The following TSGA10IP variants were observed in gnomAD, a reference collection of about 807,000 sequenced individuals.
TSGA10IP encodes the protein testis specific 10 interacting protein, also known as testis-specific protein 10-interacting protein.
Under a neutral mutation model 63.2 loss-of-function variants are expected in TSGA10IP, and 64 were observed. The observed-to-expected ratio is 1.01, with a 90% CI of 0.83 to 1.25. The LOEUF (loss-of-function observed/expected upper bound fraction) is 1.25. Ranked by LOEUF, TSGA10IP falls within the 50% of genes most tolerant of loss-of-function variation. The pLI, the probability that TSGA10IP is intolerant of heterozygous loss-of-function variation, is 0.00. For missense variants in TSGA10IP, 681 were observed against 710.1 expected (o/e 0.96, Z 0.47); for synonymous variants, 316 against 298.3 (o/e 1.06, Z -0.61).
rs779393002 is a variant in TSGA10IP at position 65,953,592 on chromosome 11, C to T, written c.1177C>T (p.Gln393Ter). 4 of 1,589,940 alleles carry T rather than the reference C, an allele frequency of 2.5e-6. No individual in the cohort carries two copies. The highest frequency in any genetic ancestry group is 2.3e-5 in the East Asian group (1 of 42,756). The stretch of plus-strand genomic sequence containing the variant: ...GAGCCTGCTGCAGGCCTGGGAGCGG[C>T]AGCGGCAGGAGGAGCGGCAGCAGGC... Residue 393 changes from glutamine to a stop codon, truncating the protein, a stop_gained, in exon 5 of 8, where the codon CAG becomes TAG. Coordinates refer to ENST00000532620, the Ensembl canonical transcript of TSGA10IP. LOFTEE classifies it high-confidence loss of function.
intron 6 of TSGA10IP, 56 bp from the exon 7 acceptor site, chr11:65,959,134 C>A: frequency 6.3e-7 from 1 of 1,584,798 alleles, no homozygotes; most frequent in East Asian, 2.3e-5. Flanking sequence ...ACCCGATCCC[C>A]ACCTTGCCCT....
At chr11:65,959,108 T>C (rs1590627891) in intron 6 of TSGA10IP, 82 bp from the exon 7 acceptor site, 2 of 1,569,656 alleles carry the variant, frequency 1.3e-6, no homozygotes, top group South Asian at 2.3e-5. Flanking sequence ...CTGGAATCCC[T>C]GGGACCCCCT....
chr11:65,947,170 C>A, exon 3 of TSGA10IP: 1 of 1,610,418 alleles, frequency 6.2e-7, no homozygotes, highest in Non-Finnish European at 8.5e-7. Context: ...GGGAGAGCAT[C>A]GCCACAGATG....
At chr11:65,959,871 G>A in exon 8 of TSGA10IP, 4 of 1,606,026 alleles carry the variant, frequency 2.5e-6, no homozygotes, top group Non-Finnish European at 3.4e-6. Context: ...GGCCCCCAAG[G>A]ACAGAACCCA....
At chr11:65,946,123 TG>T (rs1262305925) in intron 1 of TSGA10IP, among the ~76,000 whole-genome samples, 2 of 152,154 alleles carry the variant, frequency 1.3e-5, no homozygotes, top group African/African-American at 4.8e-5. Context: ...CTGCCTTGGC[TG>T]TAGCAGGTCC....
At chr11:65,948,588 A>G (rs1286015212) in intron 4 of TSGA10IP, among the ~76,000 whole-genome samples, 1 of 152,106 alleles carries the variant, frequency 6.6e-6, no homozygotes, top group Non-Finnish European at 1.5e-5. Flanking sequence ...AGGTAGGAGG[A>G]TCTCTTGAGT....
chr11:65,959,490 G>A (rs1403474817), intron 7 of TSGA10IP, among the ~76,000 whole-genome samples, 176 bp downstream of exon 7: 1 of 152,208 alleles, frequency 6.6e-6, no homozygotes, highest in African/African-American at 2.4e-5. Flanking sequence ...GACCTGAGGG[G>A]AAGGGCCTTC....
Position 65,959,061 on chromosome 11 carries a change from T to G in TSGA10IP, c.1422+79T>G, listed in dbSNP as rs557289853. ...AGTGGGTAGGGAAGCAGGATGCGAG[T>G]AGGTCCCTGCAGATAGGATCCCAGG... is the stretch of plus-strand genomic sequence containing the variant. On this transcript the variant is annotated intron_variant, in intron 6 of 7. Transcript: ENST00000532620. 3.6e-5 allele frequency: 57 copies of G among 1,575,786 alleles called. No individual in the cohort carries two copies. In the African/African-American group the frequency reaches 7.5e-4, roughly 21 times the overall value.
chr11:65,958,544 C>T (rs970647542), intron 5 of TSGA10IP, among the ~76,000 whole-genome samples: 10 of 152,274 alleles, frequency 6.6e-5, no homozygotes, highest in African/African-American at 2.2e-4. Flanking sequence ...TATGTAAGCA[C>T]GTGTCTGGAA....
intron 1 of TSGA10IP, among the ~76,000 whole-genome samples, chr11:65,946,593 G>C (rs978246081): frequency 2.6e-5 from 4 of 152,060 alleles, no homozygotes; most frequent in African/African-American, 9.7e-5. Context: ...CACCACACTC[G>C]GCTAATTTTT....
At chr11:65,947,232 C>G in exon 3 of TSGA10IP, 2 of 1,609,804 alleles carry the variant, frequency 1.2e-6, no homozygotes, top group South Asian at 2.2e-5. Flanking sequence ...CAAGCCCTGC[C>G]CATGCCCTCC....
At chr11:65,948,836 A>G (rs540613048) in intron 4 of TSGA10IP, among the ~76,000 whole-genome samples, 1 of 151,894 alleles carries the variant, frequency 6.6e-6, no homozygotes, top group Non-Finnish European at 1.5e-5. Context: ...TTATCCAAGT[A>G]TGGTGGTGTG....
chr11:65,954,168 C>CA (rs1555056160), intron 5 of TSGA10IP, among the ~76,000 whole-genome samples: 2 of 141,920 alleles, frequency 1.4e-5, no homozygotes, highest in African/African-American at 2.6e-5. Context: ...GACCATTTTC[C>CA]TTTTTTTTTT....
intron 5 of TSGA10IP, among the ~76,000 whole-genome samples, chr11:65,954,854 C>T (rs1172248753): frequency 1.3e-5 from 2 of 151,010 alleles, no homozygotes; most frequent in African/African-American, 2.4e-5. Context: ...GAGGACTGCT[C>T]AGAGGGAGAG....
At chr11:65,948,264 C>G in intron 4 of TSGA10IP, 116 bp downstream of exon 4, 2 of 1,318,692 alleles carry the variant, frequency 1.5e-6, no homozygotes, top group South Asian at 3.1e-5. Flanking sequence ...ATCCATTCAC[C>G]AAACTTTTGG....
At chr11:65,949,917 A>T (rs2134870854) in intron 4 of TSGA10IP, among the ~76,000 whole-genome samples, 1 of 115,742 alleles carries the variant, frequency 8.6e-6, no homozygotes, top group Middle Eastern at 9.8e-3. Context: ...CTGTGGTGTG[A>T]TCTCAGTTCA....
exon 3 of TSGA10IP, chr11:65,947,677 T>C (rs766293410): frequency 1.8e-5 from 29 of 1,606,672 alleles, no homozygotes; most frequent in African/African-American, 2.7e-5. Context: ...AAGCCTCCGA[T>C]GAGGGAGAAG....
At chr11:65,953,634 C>G (rs200258367) in exon 5 of TSGA10IP, 3 of 1,591,362 alleles carry the variant, frequency 1.9e-6, no homozygotes, top group East Asian at 4.7e-5. Context: ...GCGGCGGGCC[C>G]GGACACAGCA....
At chr11:65,947,694 G>C in exon 3 of TSGA10IP, 1 of 1,601,444 alleles carries the variant, frequency 6.2e-7, no homozygotes, top group Non-Finnish European at 8.5e-7. Flanking sequence ...GAAGTGCAGG[G>C]CCAGAGCCAG....
Sources: gnomAD v4.1 joint callset for allele counts (sites outside exome capture counted in the v4.1 genomes callset) on GRCh38, gnomAD v4.1.1 for gene constraint, MANE v1.5 for transcripts, NCBI Gene and HGNC (gene_info 2026-07-23, HGNC 2026-07-21) for gene names.